Variants in SDK1 observed in about 807,000 individuals in gnomAD.
The protein encoded by SDK1 is sidekick cell adhesion molecule 1, also known as protein sidekick-1.
Under a neutral mutation model 245.5 loss-of-function variants are expected in SDK1, and 157 were observed. The ratio of observed to expected loss-of-function variants is 0.64; its 90% CI spans 0.56 to 0.73. SDK1 has a LOEUF of 0.73. Ranked by LOEUF, SDK1 falls within the 30% of genes least tolerant of loss-of-function variation. SDK1 has a pLI of 0.00. For missense variants in SDK1, 3,583 were observed against 3,002.3 expected (o/e 1.19, Z -4.52); for synonymous variants, 1,647 against 1,278.5 (o/e 1.29, Z -6.15).
chr7:3,743,159 A>G (rs952051768), intron 4 of SDK1, among the ~76,000 whole-genome samples: 2 of 152,166 alleles, frequency 1.3e-5, no homozygotes, highest in African/African-American at 2.4e-5. Context: ...AGACCAACTG[A>G]TGGGAAAAGT....
intron 4 of SDK1, among the ~76,000 whole-genome samples, chr7:3,761,233 A>C (rs1400337214): frequency 6.0e-5 from 7 of 117,484 alleles, no homozygotes; most frequent in Non-Finnish European, 9.1e-5. Flanking sequence ...AAAATCCAGT[A>C]GTTTTTTTTT....
intron 44 of SDK1, among the ~76,000 whole-genome samples, chr7:4,259,591 C>A (rs912386615): frequency 1.3e-5 from 2 of 152,190 alleles, no homozygotes; most frequent in African/African-American, 2.4e-5. Flanking sequence ...CGGGCCAGCG[C>A]TTGGCGACCA....
chr7:4,070,229 G>A (rs576192733), intron 20 of SDK1, among the ~76,000 whole-genome samples: 3 of 152,100 alleles, frequency 2.0e-5, no homozygotes, highest in East Asian at 1.9e-4. Flanking sequence ...GTCTGCACCC[G>A]CCTGGGACTG....
intron 25 of SDK1, among the ~76,000 whole-genome samples, chr7:4,115,455 T>G (rs1783642058): frequency 6.6e-6 from 1 of 152,208 alleles, no homozygotes; most frequent in Non-Finnish European, 1.5e-5. Flanking sequence ...CCTAGATCCA[T>G]TTTGCTTATT....
chr7:3,474,284 C>T (rs749924990), intron 1 of SDK1, among the ~76,000 whole-genome samples: 4 of 151,024 alleles, frequency 2.6e-5, no homozygotes, highest in Admixed American at 6.6e-5. Flanking sequence ...TTAGTAGAGA[C>T]GGGGTTTCAC....
chr7:3,721,655 G>T (rs1052854803), intron 4 of SDK1, among the ~76,000 whole-genome samples: 1 of 152,108 alleles, frequency 6.6e-6, no homozygotes, highest in Admixed American at 6.5e-5. Flanking sequence ...TCCAAAGGAG[G>T]GTAGGATGAG....
intron 4 of SDK1, among the ~76,000 whole-genome samples, chr7:3,800,941 T>C (rs943978341): frequency 6.6e-6 from 1 of 152,168 alleles, no homozygotes; most frequent in African/African-American, 2.4e-5. Context: ...TTGAACACCC[T>C]TTAACTTTCT....
Position 3,310,385 on chromosome 7 carries a change from C to G in SDK1, c.298+8501C>G, listed in dbSNP as rs113568700. Among the ~76,000 whole-genome samples the G allele has an allele frequency of 5.2e-3, 792 of 152,212 alleles. 9 individuals are homozygous for G. Among genetic ancestry groups the G allele is most frequent in the African/African-American group, 0.017 (723 of 41,520 alleles). The stretch of plus-strand genomic sequence containing the variant: ...TGACTGTAGATGTGTTGGACTGTAA[C>G]AACAATTGAGGTGAGAGAAAGTAGC... On this transcript the variant is annotated intron_variant, in intron 1 of 44. Transcript: ENST00000404826.
intron 1 of SDK1, among the ~76,000 whole-genome samples, chr7:3,477,909 T>A (rs1470596844): frequency 2.0e-5 from 3 of 152,176 alleles, no homozygotes; most frequent in Non-Finnish European, 2.9e-5. Context: ...TTCACAGGTG[T>A]TTGAATCCTT....
intron 1 of SDK1, among the ~76,000 whole-genome samples, chr7:3,470,858 T>C (rs910141013): frequency 6.6e-6 from 1 of 152,164 alleles, no homozygotes; most frequent in African/African-American, 2.4e-5. Context: ...ACTATTATCA[T>C]TTACTCACCT....
At chr7:3,899,129 GTGAAACAATGTGTGAGAATTGT>G (rs1781697890) in intron 5 of SDK1, among the ~76,000 whole-genome samples, 1 of 152,146 alleles carries the variant, frequency 6.6e-6, no homozygotes, top group African/African-American at 2.4e-5. Context: ...GTGACTTTAA[GTGAAACAATGTGTGAGAATTGT>G]CTTTGGAAAG....
chr7:4,075,722 T>G (rs1584037398), intron 20 of SDK1, among the ~76,000 whole-genome samples: 1 of 152,082 alleles, frequency 6.6e-6, no homozygotes, highest in Non-Finnish European at 1.5e-5. Flanking sequence ...TGGCGCAATC[T>G]TGGCTCACTG....
intron 25 of SDK1, among the ~76,000 whole-genome samples, chr7:4,118,141 GA>G (rs1325006250): frequency 6.6e-6 from 1 of 152,062 alleles, no homozygotes; most frequent in Non-Finnish European, 1.5e-5. Flanking sequence ...TAAAGGAAAT[GA>G]AAAAAACTCC....
At chr7:3,627,327 G>C (rs1347042311) in intron 2 of SDK1, among the ~76,000 whole-genome samples, 1 of 152,190 alleles carries the variant, frequency 6.6e-6, no homozygotes, top group East Asian at 1.9e-4. Context: ...TCTGGGGAAA[G>C]TGCCTGTTTT....
At chr7:3,887,442 G>T (rs1781363257) in intron 5 of SDK1, among the ~76,000 whole-genome samples, 1 of 152,106 alleles carries the variant, frequency 6.6e-6, no homozygotes. Flanking sequence ...TCCCAGTAGA[G>T]AAGTAATAAT....
At chr7:4,239,968 G>C (rs1231849432) in intron 42 of SDK1, among the ~76,000 whole-genome samples, 1 of 152,186 alleles carries the variant, frequency 6.6e-6, no homozygotes, top group Admixed American at 6.5e-5. Context: ...AAAAAAACCA[G>C]TCACCTAAAA....
intron 26 of SDK1, among the ~76,000 whole-genome samples, chr7:4,127,708 A>G (rs1784482028): frequency 1.3e-5 from 2 of 152,240 alleles, no homozygotes; most frequent in Non-Finnish European, 2.9e-5. Context: ...CACAAATGCC[A>G]AAACAGGGCA....
intron 4 of SDK1, among the ~76,000 whole-genome samples, chr7:3,748,669 G>C (rs1779692636): frequency 6.6e-6 from 1 of 152,154 alleles, no homozygotes; most frequent in African/African-American, 2.4e-5. Context: ...TTCATGTATT[G>C]AACTGTAAAA....
intron 4 of SDK1, among the ~76,000 whole-genome samples, chr7:3,812,015 C>T (rs1394819207): frequency 6.6e-6 from 1 of 152,200 alleles, no homozygotes; most frequent in East Asian, 1.9e-4. Context: ...TGGCTTCACA[C>T]ACTTCATACT....
Sources: gnomAD v4.1 joint callset for allele counts (sites outside exome capture counted in the v4.1 genomes callset) on GRCh38, gnomAD v4.1.1 for gene constraint, MANE v1.5 for transcripts, NCBI Gene and HGNC (gene_info 2026-07-23, HGNC 2026-07-21) for gene names.